DOT1L: variants seen among roughly 807,000 people sequenced by gnomAD.
DOT1L encodes the protein histone-lysine N-methyltransferase, H3 lysine-79 specific.
A neutral mutation model predicts 153.3 loss-of-function variants in DOT1L; 33 were observed. The ratio of observed to expected loss-of-function variants is 0.22; its 90% CI spans 0.16 to 0.29. DOT1L has a LOEUF of 0.29. DOT1L is among the 10% of genes least tolerant of loss of function. The probability of loss-of-function intolerance (pLI) is 1.00; values close to 1 mark genes in which losing one functional copy is unlikely to be tolerated. For missense variants in DOT1L, 1,847 were observed against 2,119.9 expected (o/e 0.87, Z 2.53); for synonymous variants, 1,135 against 965.1 (o/e 1.18, Z -3.26).
intron 2 of DOT1L, among the ~76,000 whole-genome samples, chr19:2,182,645 CA>C (rs2022296655): frequency 6.6e-6 from 1 of 151,500 alleles, no homozygotes; most frequent in Non-Finnish European, 1.5e-5. Flanking sequence ...CTCGGTGCAG[CA>C]GGGGTGGAAG....
At chr19:2,201,599 G>C (rs2023284429) in intron 8 of DOT1L, among the ~76,000 whole-genome samples, 1 of 152,250 alleles carries the variant, frequency 6.6e-6, no homozygotes, top group Non-Finnish European at 1.5e-5. Context: ...CCGCCGGCGG[G>C]TGTTCTGCCA....
rs1225665637 is a variant in DOT1L at position 2,231,848 on chromosome 19, G to A, written c.*2056G>A. ...CGGGTCCTGCAGATGGCCATGCAGG[G>A]CTCCTGCCCACGCAGGCCACCGTAT... On this transcript the variant is annotated 3_prime_UTR_variant, in exon 28 of 28. Transcript: ENST00000398665. 2 of 219,866 alleles carry A rather than the reference G, an allele frequency of 9.1e-6. No homozygotes were observed. The highest frequency in any genetic ancestry group is 1.8e-5 in the Non-Finnish European group (2 of 109,710). The allele number at this position is 219,866 out of a possible 1,614,324, so 13.6% of individuals were successfully genotyped here. A position where few individuals can be genotyped will look rare whatever the true frequency, so the allele number is the denominator to read the frequency against.
rs145495826 is a variant in DOT1L, at chr19:2,217,755, C to G, written c.2545-17C>G. The stretch of plus-strand genomic sequence containing the variant: ...GGTTTGTTGACCCACGACTGGGGGT[C>G]GGGCCTTCGTCTGCAGGGCCTGAGA... On this transcript the variant is annotated splice_polypyrimidine_tract_variant and intron_variant, in intron 21 of 27. Transcript: ENST00000398665. The surrounding 1 kb of genome is among the most constrained non-coding windows in gnomAD (Gnocchi z 7.3). 6.3e-7 allele frequency: 1 copy of G among 1,591,798 alleles called. No individual in the cohort carries two copies.
chr19:2,228,727 C>G, intron 27 of DOT1L: 1 of 985,390 alleles, frequency 1.0e-6, no homozygotes, highest in Non-Finnish European at 1.2e-6. Context: ...AGAGCAGTCT[C>G]CAGGGCTCCA....
intron 9 of DOT1L, among the ~76,000 whole-genome samples, chr19:2,205,088 A>G (rs2023441653): frequency 6.6e-6 from 1 of 151,852 alleles, no homozygotes; most frequent in Non-Finnish European, 1.5e-5. Context: ...CTCCCGCCTC[A>G]GCCTCCCGAG....
intron 25 of DOT1L, 113 bp from the exon 26 acceptor site, chr19:2,225,275 A>G (rs1370937423): frequency 9.5e-6 from 10 of 1,048,210 alleles, no homozygotes; most frequent in Middle Eastern, 4.1e-4. Context: ...GTCTGGGCCG[A>G]GTGCTTCTCG....
intron 18 of DOT1L, chr19:2,214,211 C>T (rs947210518): frequency 1.1e-6 from 1 of 895,286 alleles, no homozygotes. Flanking sequence ...CATGGAGCCA[C>T]ACTCTGGCAG....
chr19:2,214,626 G>A (rs371603294), intron 19 of DOT1L, 30 bp downstream of exon 19: 380 of 1,603,678 alleles, frequency 2.4e-4, no homozygotes, highest in Non-Finnish European at 3.1e-4. Context: ...GCACTCCGTG[G>A]TGTCCGAGCC....
chr19:2,217,406 C>T lies in DOT1L; in HGVS notation c.2544+316C>T, dbSNP rs1027556622. 5.3e-5 allele frequency among the ~76,000 whole-genome samples: 8 copies of T among 152,248 alleles called. No homozygotes were observed. Among genetic ancestry groups the T allele is most frequent in the Non-Finnish European group, 1.0e-4 (7 of 67,990 alleles). ...AGGCCGCTGCCCATGAGGACTTCCC[C>T]GGGGGCACTGGCCTGTGTGCACAGG... On this transcript the variant is annotated intron_variant, in intron 21 of 27. Transcript: ENST00000398665. This position sits in a 1 kb window ranked among gnomAD's most constrained non-coding sequence, Gnocchi z 7.3.
intron 16 of DOT1L, 142 bp from the exon 17 acceptor site, chr19:2,213,397 T>C: frequency 2.6e-6 from 2 of 764,600 alleles, no homozygotes; most frequent in Non-Finnish European, 4.2e-6. Flanking sequence ...TTTCTTGACA[T>C]CTCAGCCCGG....
rs1487464087 is a variant in DOT1L, at chr19:2,204,137, GTC to G, written c.787+1362_787+1363del. 1.1e-4 allele frequency among the ~76,000 whole-genome samples: 16 copies of G among 151,970 alleles called. No homozygotes were observed. The highest frequency in any genetic ancestry group is 3.4e-4 in the African/African-American group (14 of 41,440). On this transcript the variant is annotated intron_variant, in intron 9 of 27. Transcript: ENST00000398665. This position sits in a 1 kb window ranked among gnomAD's most constrained non-coding sequence, Gnocchi z 5.7. ...TGTCTGTGTCTCTGTGCATGCCTGT[GTC>G]TCTGTGTGTGCCCGTGTGCCTGTGT... is the stretch of plus-strand genomic sequence containing the variant.
At chr19:2,221,898 A>AGG (rs1209663124) in intron 23 of DOT1L, 78 bp from the exon 24 acceptor site, 50 of 1,395,472 alleles carry the variant, frequency 3.6e-5, no homozygotes, top group Non-Finnish European at 4.2e-5. Context: ...CAGAGCTCCT[A>AGG]GGGGGTGGTG....
chr19:2,229,034 TGCCCTGTGGTCATGGCCCACA>T (rs1405055444), intron 27 of DOT1L: 8 of 985,348 alleles, frequency 8.1e-6, no homozygotes, highest in Non-Finnish European at 6.0e-6. Context: ...ATGGCCACAC[TGCCCTGTGGTCATGGCCCACA>T]GCCGAGGGGC....
At position 2,226,190 on chromosome 19, in the gene DOT1L, C is replaced by T; in HGVS notation, c.3669C>T (p.Gly1223=). The T allele has an allele frequency of 6.6e-7, 1 of 1,516,202 alleles. No homozygotes were observed. The highest frequency in any genetic ancestry group is 1.3e-5 in the South Asian group (1 of 75,736). 93.9% of individuals were successfully genotyped at this position (1,516,202 alleles called of 1,614,324 possible). Residue 1223 remains glycine, a synonymous_variant, in exon 27 of 28, where the codon GGC becomes GGT. Coordinates refer to ENST00000398665, the MANE Select transcript of DOT1L (RefSeq NM_032482.3). ...SPPKTLENGG[G]LAGRKPAPAG... ...GCCTTTCCTCTTTGCCAGGTGGTGG[C>T]TTGGCGGGAAGGAAGCCCGCGCCCG...
At chr19:2,165,932 C>T (rs774106647) in intron 1 of DOT1L, among the ~76,000 whole-genome samples, 2 of 151,956 alleles carry the variant, frequency 1.3e-5, no homozygotes, top group African/African-American at 4.8e-5. Flanking sequence ...CCACGCCCGG[C>T]TAATGTTTTT....
intron 8 of DOT1L, among the ~76,000 whole-genome samples, chr19:2,200,151 C>G (rs1387061728): frequency 6.6e-6 from 1 of 152,130 alleles, no homozygotes; most frequent in Non-Finnish European, 1.5e-5. Flanking sequence ...CCCTGTCGGC[C>G]CTGCAGACCC....
Position 2,217,706 on chromosome 19 carries a change from G to C in DOT1L, c.2545-66G>C, listed in dbSNP as rs1436190633. On this transcript the variant is annotated intron_variant, in intron 21 of 27. Coordinates refer to ENST00000398665, the MANE Select transcript of DOT1L (RefSeq NM_032482.3). This position sits in a 1 kb window ranked among gnomAD's most constrained non-coding sequence, Gnocchi z 7.3. ...AGCTGTAGCAGGCCCCCGTCCTGTG[G>C]CTGTGGTCCCTGTGTCCTGGAGGGG... is the stretch of plus-strand genomic sequence containing the variant. The C allele has an allele frequency of 1.3e-6, 2 of 1,545,866 alleles. No individual in the cohort carries two copies. Among genetic ancestry groups the C allele is most frequent in the African/African-American group, 1.4e-5 (1 of 73,062 alleles).
intron 27 of DOT1L, chr19:2,228,072 G>C: frequency 7.6e-7 from 1 of 1,322,308 alleles, no homozygotes; most frequent in East Asian, 5.2e-5. Flanking sequence ...GCAGAGCCTC[G>C]CGTCCCTCCC....
chr19:2,218,021 G>C, intron 22 of DOT1L, 103 bp downstream of exon 22: 1 of 1,476,094 alleles, frequency 6.8e-7, no homozygotes, highest in South Asian at 1.3e-5. Context: ...GCTGTAAAAT[G>C]TCGAGCGTGA....
Sources: allele counts gnomAD v4.1 joint callset (sites outside exome capture counted in the v4.1 genomes callset), GRCh38; gene constraint gnomAD v4.1.1; non-coding constraint Gnocchi (gnomAD v3.1); transcripts MANE v1.5; gene names NCBI Gene and HGNC (gene_info 2026-07-23, HGNC 2026-07-21).